The following SLC13A3 variants were observed in gnomAD, a reference collection of about 807,000 sequenced individuals.
The protein encoded by SLC13A3 is solute carrier family 13 member 3, also known as Na(+)/dicarboxylate cotransporter 3.
A neutral mutation model predicts 59.0 loss-of-function variants in SLC13A3; 40 were observed. The ratio of observed to expected loss-of-function variants is 0.68; its 90% CI spans 0.53 to 0.88. SLC13A3 has a LOEUF of 0.88. SLC13A3 is among the 40% of genes least tolerant of loss of function. The probability of loss-of-function intolerance (pLI) is 0.00; values close to 1 mark genes in which losing one functional copy is unlikely to be tolerated. For synonymous variants in SLC13A3, 317 were observed against 330.3 expected (o/e 0.96, Z 0.44); for missense variants, 699 against 783.2 (o/e 0.89, Z 1.28).
At chr20:46,582,401 T>C (rs1440793957) in intron 9 of SLC13A3, among the ~76,000 whole-genome samples, 1 of 151,660 alleles carries the variant, frequency 6.6e-6, no homozygotes, top group Non-Finnish European at 1.5e-5. Context: ...GTGCTGGGAT[T>C]ACAGGTGTGA....
intron 3 of SLC13A3, among the ~76,000 whole-genome samples, chr20:46,604,182 A>G (rs2062412430): frequency 6.6e-6 from 1 of 151,960 alleles, no homozygotes; most frequent in Non-Finnish European, 1.5e-5. Flanking sequence ...CAAAATCCCA[A>G]CATCCCCCTC....
chr20:46,588,010 C>A, intron 8 of SLC13A3, 49 bp downstream of exon 8: 1 of 1,150,924 alleles, frequency 8.7e-7, no homozygotes, highest in South Asian at 1.5e-5. Flanking sequence ...GTGGCCCAGC[C>A]CAGAATCCTC....
intron 1 of SLC13A3, among the ~76,000 whole-genome samples, chr20:46,663,005 G>T (rs1264599395): frequency 1.3e-5 from 2 of 152,140 alleles, no homozygotes; most frequent in Non-Finnish European, 2.9e-5. Context: ...TAATCTGCTT[G>T]GGGGCTGGGC....
intron 1 of SLC13A3, among the ~76,000 whole-genome samples, chr20:46,636,147 C>T (rs1243659168): frequency 6.6e-6 from 1 of 152,092 alleles, no homozygotes; most frequent in African/African-American, 2.4e-5. Context: ...TTTGTTTTTT[C>T]ACTTCTCTCA....
intron 12 of SLC13A3, among the ~76,000 whole-genome samples, chr20:46,560,612 T>C (rs1293948372): frequency 6.6e-6 from 1 of 151,852 alleles, no homozygotes; most frequent in Non-Finnish European, 1.5e-5. Flanking sequence ...AACACCCCCA[T>C]CCCACACACA....
intron 5 of SLC13A3, 97 bp downstream of exon 5, chr20:46,596,060 G>C: frequency 5.2e-6 from 6 of 1,151,626 alleles, no homozygotes; most frequent in Non-Finnish European, 7.3e-6. Flanking sequence ...CTGGCCCAGA[G>C]AAGGCCCTCA....
rs149883516 is a variant in SLC13A3 at position 46,585,146 on chromosome 20, A to T, written c.1122-1477T>A. 2,103 of 967,522 alleles carry T rather than the reference A, an allele frequency of 2.2e-3. 33 individuals are homozygous for T. The African/African-American group carries it at 0.034, about 15-fold the overall frequency. 59.9% of individuals were successfully genotyped at this position (967,522 alleles called of 1,614,324 possible). On this transcript the variant is annotated intron_variant, in intron 8 of 12. Coordinates refer to ENST00000279027, the MANE Select transcript of SLC13A3 (RefSeq NM_022829.6). ...GACCTGAGTCCAAGAAAATAAAATTAAAAAAAAAGAATGGAGTAAGTCCAA... is the reference window on the plus strand; with the variant it reads ...GACCTGAGTCCAAGAAAATAAAATTTAAAAAAAAGAATGGAGTAAGTCCAA...
intron 1 of SLC13A3, among the ~76,000 whole-genome samples, chr20:46,668,833 G>A (rs895150542): frequency 6.6e-5 from 10 of 152,202 alleles, no homozygotes; most frequent in South Asian, 6.2e-4. Context: ...CTGCTTATGC[G>A]CTATAAATGG....
In SLC13A3 at chr20:46,560,017, G is replaced by C; in HGVS notation, c.*5C>G. ...TTCAGCCTCAAGGGAGTCCTCCAGG[G>C]GGACTCAGAGGGTCCGAAATGTGTC... On this transcript the variant is annotated 3_prime_UTR_variant, in exon 13 of 13. Transcript: ENST00000279027. 1 of 1,613,478 alleles carries C rather than the reference G, an allele frequency of 6.2e-7. No homozygotes were observed. The highest frequency in any genetic ancestry group is 1.1e-5 in the South Asian group (1 of 91,044).
chr20:46,599,876 G>A (rs1214012405), intron 4 of SLC13A3, 95 bp downstream of exon 4: 25 of 951,500 alleles, frequency 2.6e-5, no homozygotes, highest in Non-Finnish European at 3.9e-5. Flanking sequence ...GAAAAATTCA[G>A]GGATGGGAGG....
intron 1 of SLC13A3, among the ~76,000 whole-genome samples, chr20:46,642,028 G>T (rs558643687): frequency 6.6e-6 from 1 of 152,118 alleles, no homozygotes; most frequent in Non-Finnish European, 1.5e-5. Flanking sequence ...TGCCTTGCCC[G>T]AACATATTGC....
intron 3 of SLC13A3, among the ~76,000 whole-genome samples, chr20:46,606,433 A>G (rs1280581912): frequency 6.6e-6 from 1 of 152,184 alleles, no homozygotes; most frequent in Non-Finnish European, 1.5e-5. Flanking sequence ...AACATTAAAG[A>G]CCCTTGTGTT....
At chr20:46,636,208 T>G in intron 1 of SLC13A3, among the ~76,000 whole-genome samples, 1 of 152,218 alleles carries the variant, frequency 6.6e-6, no homozygotes, top group East Asian at 1.9e-4. Context: ...TTGCACAAGA[T>G]CCAAGGACCC....
chr20:46,631,883 C>T (rs1600587805), intron 1 of SLC13A3, among the ~76,000 whole-genome samples: 2 of 152,070 alleles, frequency 1.3e-5, no homozygotes, highest in South Asian at 2.1e-4. Flanking sequence ...TCCTACTGCC[C>T]CCCAACTTGC....
At chr20:46,578,308 A>G (rs1742044531) in intron 9 of SLC13A3, among the ~76,000 whole-genome samples, 1 of 152,164 alleles carries the variant, frequency 6.6e-6, no homozygotes, top group South Asian at 2.1e-4. Context: ...CTCAGGATAC[A>G]GAAATGGTCA....
chr20:46,574,470 C>T (rs1353463468), intron 10 of SLC13A3, among the ~76,000 whole-genome samples: 1 of 152,226 alleles, frequency 6.6e-6, no homozygotes, highest in Non-Finnish European at 1.5e-5. Flanking sequence ...CTGACCCGCA[C>T]TTGCACGCCC....
At chr20:46,587,791 C>T (rs1600523399) in intron 8 of SLC13A3, among the ~76,000 whole-genome samples, 1 of 152,342 alleles carries the variant, frequency 6.6e-6, no homozygotes, top group South Asian at 2.1e-4. Context: ...TGCTCAGTCA[C>T]ACAGCTCGTA....
chr20:46,613,747 C>T, intron 1 of SLC13A3, 22 bp from the exon 2 acceptor site: 2 of 1,569,976 alleles, frequency 1.3e-6, no homozygotes, highest in South Asian at 2.4e-5. Flanking sequence ...GATGCATGCT[C>T]AGAGGGTCAG....
chr20:46,659,763 T>A (rs1455472596), intron 1 of SLC13A3, among the ~76,000 whole-genome samples: 4 of 124,912 alleles, frequency 3.2e-5, no homozygotes, highest in African/African-American at 6.2e-5. Context: ...AGCCTTACAA[T>A]AATGGAAATA....
Sources: gnomAD v4.1 joint callset for allele counts (sites outside exome capture counted in the v4.1 genomes callset) on GRCh38, gnomAD v4.1.1 for gene constraint, MANE v1.5 for transcripts, NCBI Gene and HGNC (gene_info 2026-07-23, HGNC 2026-07-21) for gene names.